The following ATP2A2 variants were observed in gnomAD, a reference collection of about 807,000 sequenced individuals.
ATP2A2 encodes sarcoplasmic/endoplasmic reticulum calcium ATPase 2.
Under a neutral mutation model 109.3 loss-of-function variants are expected in ATP2A2, and 14 were observed. That is an observed-to-expected ratio of 0.13 (90% CI 0.08 to 0.20). The LOEUF is 0.20. ATP2A2 is among the 10% of genes least tolerant of loss of function. The pLI is 1.00. For synonymous variants in ATP2A2, 506 were observed against 490.9 expected (o/e 1.03, Z -0.41); for missense variants, 657 against 1,321.6 (o/e 0.50, Z 7.80).
chr12:110,281,049 C>G (rs1483145103), upstream of ATP2A2: 2 of 151,398 alleles, frequency 1.3e-5, no homozygotes, highest in Non-Finnish European at 2.9e-5. Context: ...CGCGCGGCCT[C>G]GATCCGGGTT....
chr12:110,311,620 A>C (rs1047062135), intron 5 of ATP2A2, among the ~76,000 whole-genome samples: 2 of 148,578 alleles, frequency 1.3e-5, no homozygotes, highest in African/African-American at 5.0e-5. Flanking sequence ...AAAAAAAAAA[A>C]AACGCTGGGA....
At chr12:110,322,928 C>G in intron 5 of ATP2A2, 64 bp from the exon 6 acceptor site, 1 of 1,147,952 alleles carries the variant, frequency 8.7e-7, no homozygotes. Context: ...GAGACAAATT[C>G]ATCTTTAGAT....
Position 110,327,332 on chromosome 12 carries a change from T to G in ATP2A2, c.631-221T>G, listed in dbSNP as rs921528895. 6.6e-6 allele frequency among the ~76,000 whole-genome samples: 1 copy of G among 152,186 alleles called. No individual in the cohort carries two copies. The highest frequency in any genetic ancestry group is 2.4e-5 in the African/African-American group (1 of 41,442). ...AGATGGTCTGCAAGCCGGGCTCAAA[T>G]AGAAATCTAGGTGGGTCAGTACAGA... On this transcript the variant is annotated intron_variant, in intron 7 of 19. Coordinates refer to ENST00000539276, the MANE Select transcript of ATP2A2 (RefSeq NM_170665.4). The surrounding 1 kb of genome is among the most constrained non-coding windows in gnomAD (Gnocchi z 4.4).
At chr12:110,341,945 C>G (rs925411488) in intron 14 of ATP2A2, among the ~76,000 whole-genome samples, 9 of 152,186 alleles carry the variant, frequency 5.9e-5, no homozygotes, top group Non-Finnish European at 1.2e-4. Context: ...CAAGTGCTTC[C>G]TCTTGACTGC....
intron 5 of ATP2A2, among the ~76,000 whole-genome samples, chr12:110,322,058 T>G (rs1877302645): frequency 6.6e-6 from 1 of 151,968 alleles, no homozygotes; most frequent in Non-Finnish European, 1.5e-5. Context: ...TGGCGCGATC[T>G]CAGCTCACTG....
Position 110,319,223 on chromosome 12 carries a change from GAAAAAAAAAAAA to G in ATP2A2, c.464-3757_464-3746del, listed in dbSNP as rs59623372. On this transcript the variant is annotated intron_variant, in intron 5 of 19. Transcript: ENST00000539276. ...GACCCTGTCTGTAAGAATAAAAAAT[GAAAAAAAAAAAA>G]AAAAAAAAAAAGTGGATTCCTAGAC... Among the ~76,000 whole-genome samples the G allele has an allele frequency of 6.3e-5, 4 of 63,434 alleles. No individual in the cohort carries two copies. In the South Asian group the frequency reaches 1.8e-3, roughly 29 times the overall value. The allele number at this position is 63,434 out of a possible 152,430, so 41.6% of individuals were successfully genotyped here. A position where few individuals can be genotyped will look rare whatever the true frequency, so the allele number is the denominator to read the frequency against.
In ATP2A2 at chr12:110,342,549, C is replaced by CT; in HGVS notation, c.2318+104dup. 1 of 1,367,346 alleles carries CT rather than the reference C, an allele frequency of 7.3e-7. No individual in the cohort carries two copies. Among genetic ancestry groups the CT allele is most frequent in the Admixed American group, 2.0e-5 (1 of 51,210 alleles). The allele number at this position is 1,367,346 out of a possible 1,614,324, so 84.7% of individuals were successfully genotyped here. A position where few individuals can be genotyped will look rare whatever the true frequency, so the allele number is the denominator to read the frequency against. On this transcript the variant is annotated intron_variant, in intron 15 of 19. Coordinates refer to ENST00000539276, the MANE Select transcript of ATP2A2 (RefSeq NM_170665.4). The surrounding 1 kb of genome is among the most constrained non-coding windows in gnomAD (Gnocchi z 4.6). ...CTCTCCAGATTGCAGCAGCTTTGGTCTTTGTGCCTGAGTTGGAAGAGGGGA... is the reference window on the plus strand; with the variant it reads ...CTCTCCAGATTGCAGCAGCTTTGGTCTTTTGTGCCTGAGTTGGAAGAGGGGA...
intron 5 of ATP2A2, among the ~76,000 whole-genome samples, chr12:110,304,643 T>C (rs1296985544): frequency 6.6e-6 from 1 of 152,242 alleles, no homozygotes; most frequent in Non-Finnish European, 1.5e-5. Flanking sequence ...ATAAGAATTC[T>C]TTACATATCC....
Position 110,294,722 on chromosome 12 carries a change from A to G in ATP2A2, c.325-1877A>G, listed in dbSNP as rs577532548. On this transcript the variant is annotated intron_variant, in intron 4 of 19. Coordinates refer to ENST00000539276, the MANE Select transcript of ATP2A2 (RefSeq NM_170665.4). ...AGTATACTGAATGGTATGAGCAGCAATAGAGGGTTGTGGCCTTCTGAAAGT... is the reference window on the plus strand; with the variant it reads ...AGTATACTGAATGGTATGAGCAGCAGTAGAGGGTTGTGGCCTTCTGAAAGT... Among the ~76,000 whole-genome samples, 8 of 152,330 alleles carry G rather than the reference A, an allele frequency of 5.3e-5. 1 individual carries two copies. The South Asian group carries it at 1.4e-3, about 28-fold the overall frequency.
chr12:110,345,043 G>A, intron 17 of ATP2A2, 72 bp downstream of exon 17: 2 of 1,541,046 alleles, frequency 1.3e-6, no homozygotes, highest in Non-Finnish European at 1.8e-6. Context: ...TGTGGTTTCG[G>A]TATCTATCAA....
At chr12:110,302,257 C>T (rs1874737268) in intron 5 of ATP2A2, among the ~76,000 whole-genome samples, 1 of 152,128 alleles carries the variant, frequency 6.6e-6, no homozygotes, top group Non-Finnish European at 1.5e-5. Context: ...AAATGTACAC[C>T]TTAAACACTG....
chr12:110,319,867 C>G (rs1455412625), intron 5 of ATP2A2, among the ~76,000 whole-genome samples: 1 of 151,946 alleles, frequency 6.6e-6, no homozygotes, highest in Admixed American at 6.6e-5. Flanking sequence ...ATCTGAAAAG[C>G]TCAAAGATCA....
intron 5 of ATP2A2, among the ~76,000 whole-genome samples, chr12:110,297,367 C>T (rs1186750047): frequency 2.1e-5 from 3 of 142,460 alleles, no homozygotes; most frequent in Non-Finnish European, 3.0e-5. Context: ...ACCTGGGAGG[C>T]GGAGGTTGCA....
chr12:110,317,642 T>C (rs1876810722), intron 5 of ATP2A2, among the ~76,000 whole-genome samples: 1 of 152,198 alleles, frequency 6.6e-6, no homozygotes, highest in African/African-American at 2.4e-5. Context: ...CCTCCCAAAG[T>C]GCTGGGATTA....
At chr12:110,302,715 C>T (rs902903364) in intron 5 of ATP2A2, among the ~76,000 whole-genome samples, 1 of 152,052 alleles carries the variant, frequency 6.6e-6, no homozygotes, top group Non-Finnish European at 1.5e-5. Context: ...TCTTGTGCCT[C>T]AGCCTCCCAA....
In ATP2A2 at chr12:110,349,325, G is replaced by T; in HGVS notation, c.*2855G>T. The T allele has an allele frequency of 1.0e-6, 1 of 985,490 alleles. No individual in the cohort carries two copies. The highest frequency in any genetic ancestry group is 1.2e-6 in the Non-Finnish European group (1 of 829,974). The allele number at this position is 985,490 out of a possible 1,614,324, so 61.0% of individuals were successfully genotyped here. On this transcript the variant is annotated 3_prime_UTR_variant, in exon 20 of 20. Coordinates refer to ENST00000539276, the MANE Select transcript of ATP2A2 (RefSeq NM_170665.4). ...CCCGCAATGTGCCTGCTGTCAGGCAGCTCTTGCCTGAAACTTACTTCCACA... is the reference window on the plus strand; with the variant it reads ...CCCGCAATGTGCCTGCTGTCAGGCATCTCTTGCCTGAAACTTACTTCCACA...
At chr12:110,320,483 T>C (rs1877124769) in intron 5 of ATP2A2, among the ~76,000 whole-genome samples, 1 of 152,206 alleles carries the variant, frequency 6.6e-6, no homozygotes, top group African/African-American at 2.4e-5. Flanking sequence ...TGTCCTCTTT[T>C]TGAAATGTTC....
At chr12:110,319,737 G>A (rs1388049979) in intron 5 of ATP2A2, among the ~76,000 whole-genome samples, 2 of 151,264 alleles carry the variant, frequency 1.3e-5, no homozygotes, top group Admixed American at 6.6e-5. Context: ...TGTTGGTCCT[G>A]TAGGTGTATC....
chr12:110,306,571 G>T (rs1452326621), intron 5 of ATP2A2, among the ~76,000 whole-genome samples: 1 of 152,030 alleles, frequency 6.6e-6, no homozygotes, highest in Non-Finnish European at 1.5e-5. Flanking sequence ...ATGGCTATGT[G>T]TACTCAGTGT....
Sources: allele counts gnomAD v4.1 joint callset (sites outside exome capture counted in the v4.1 genomes callset), GRCh38; gene constraint gnomAD v4.1.1; non-coding constraint Gnocchi (gnomAD v3.1); transcripts MANE v1.5; gene names NCBI Gene and HGNC (gene_info 2026-07-23, HGNC 2026-07-21).